Variants in RIMS2 observed in about 807,000 individuals in gnomAD.
RIMS2 encodes the protein regulating synaptic membrane exocytosis protein 2.
RIMS2 carries 59 observed loss-of-function variants against 174.4 expected under a neutral mutation model. That is an observed-to-expected ratio of 0.34 (90% CI 0.27 to 0.42). The LOEUF is 0.42. RIMS2 is among the 10% of genes least tolerant of loss of function. The probability of loss-of-function intolerance (pLI) is 1.00; values close to 1 mark genes in which losing one functional copy is unlikely to be tolerated. For synonymous variants in RIMS2, 606 were observed against 572.5 expected (o/e 1.06, Z -0.84); for missense variants, 1,620 against 1,666.3 (o/e 0.97, Z 0.48).
At chr8:103,976,953 G>C (rs1334172673) in intron 16 of RIMS2, 1 of 152,166 alleles carries the variant, frequency 6.6e-6, no homozygotes, top group Non-Finnish European at 1.5e-5. Context: ...AATGGAATAA[G>C]AATCACGGAA....
chr8:103,896,994 C>T (rs2099284509), intron 4 of RIMS2, among the ~76,000 whole-genome samples: 1 of 151,614 alleles, frequency 6.6e-6, no homozygotes. Flanking sequence ...TACTGGGAGA[C>T]ATGGTTTGTT....
In RIMS2 at chr8:103,620,745, G is replaced by A. The variant is rs184165171; in HGVS notation, c.177-76341G>A. Among the ~76,000 whole-genome samples, 12 of 152,214 alleles carry A rather than the reference G, an allele frequency of 7.9e-5. No individual in the cohort carries two copies. The East Asian group carries it at 2.1e-3, about 27-fold the overall frequency. The stretch of plus-strand genomic sequence containing the variant: ...TAAAATTGTGATAATACCAGATAAA[G>A]GATATTAAGTGGATTAAATAATTTA... On this transcript the variant is annotated intron_variant, in intron 1 of 23. Transcript: ENST00000504942.
intron 19 of RIMS2, among the ~76,000 whole-genome samples, chr8:104,070,757 G>T (rs898571288): frequency 6.6e-6 from 1 of 152,064 alleles, no homozygotes; most frequent in Non-Finnish European, 1.5e-5. Flanking sequence ...GAATGTAGAT[G>T]ATTTATAAAA....
chr8:103,769,259 A>G (rs2098219406), intron 3 of RIMS2, among the ~76,000 whole-genome samples: 1 of 152,200 alleles, frequency 6.6e-6, no homozygotes, highest in South Asian at 2.1e-4. Flanking sequence ...TAAATTCAAT[A>G]AATTTATGAG....
At chr8:103,785,071 G>A (rs1320808734) in intron 3 of RIMS2, among the ~76,000 whole-genome samples, 2 of 141,774 alleles carry the variant, frequency 1.4e-5, no homozygotes, top group Non-Finnish European at 3.1e-5. Context: ...CTCTCTGTTT[G>A]TCTGTTATTG....
At chr8:103,569,789 ATTT>A (rs527413126) in intron 1 of RIMS2, among the ~76,000 whole-genome samples, 1 of 136,398 alleles carries the variant, frequency 7.3e-6, no homozygotes. Context: ...GCTAATTTTA[ATTT>A]TTTTTTTTTT....
chr8:104,068,453 A>AT, intron 19 of RIMS2, 59 bp from the exon 23 acceptor site: 1 of 744,898 alleles, frequency 1.3e-6, no homozygotes, highest in Non-Finnish European at 2.3e-6. Context: ...ACATCCTGTA[A>AT]GTCGGACTCA....
intron 4 of RIMS2, among the ~76,000 whole-genome samples, chr8:103,899,320 T>C (rs2099313270): frequency 1.3e-5 from 2 of 151,812 alleles, no homozygotes; most frequent in South Asian, 2.1e-4. Context: ...ATGGTTGAAC[T>C]AGTTTACAGT....
At chr8:104,120,460 C>A (rs1382943630) in intron 19 of RIMS2, among the ~76,000 whole-genome samples, 2 of 152,056 alleles carry the variant, frequency 1.3e-5, no homozygotes, top group African/African-American at 4.8e-5. Context: ...TATTTCTAGA[C>A]TGTGATGTTT....
chr8:103,715,610 G>A (rs1213225945), intron 2 of RIMS2, among the ~76,000 whole-genome samples: 1 of 152,118 alleles, frequency 6.6e-6, no homozygotes, highest in Non-Finnish European at 1.5e-5. Context: ...AAAGAAAAGA[G>A]AAATGAAAGG....
intron 4 of RIMS2, among the ~76,000 whole-genome samples, chr8:103,891,083 G>A (rs920224310): frequency 6.6e-6 from 1 of 151,696 alleles, no homozygotes; most frequent in Non-Finnish European, 1.5e-5. Flanking sequence ...TCCAACTCTC[G>A]TCCTCATCCT....
At chr8:103,584,702 TG>T (rs2093809639) in intron 1 of RIMS2, among the ~76,000 whole-genome samples, 1 of 152,152 alleles carries the variant, frequency 6.6e-6, no homozygotes, top group African/African-American at 2.4e-5. Context: ...GCAAGCCTCA[TG>T]GTGACTTCAA....
chr8:103,700,091 G>A (rs937122047), intron 2 of RIMS2, among the ~76,000 whole-genome samples: 3 of 152,032 alleles, frequency 2.0e-5, no homozygotes, highest in Non-Finnish European at 2.9e-5. Context: ...GGCCAGTTTC[G>A]TTGATAGAGT....
At chr8:103,624,718 T>G (rs1201045473) in intron 1 of RIMS2, among the ~76,000 whole-genome samples, 1 of 152,208 alleles carries the variant, frequency 6.6e-6, no homozygotes, top group Non-Finnish European at 1.5e-5. Flanking sequence ...TCAGGCACTA[T>G]TCTAAGTATT....
At chr8:103,592,929 G>A (rs1224224439) in intron 1 of RIMS2, among the ~76,000 whole-genome samples, 1 of 151,376 alleles carries the variant, frequency 6.6e-6, no homozygotes, top group Non-Finnish European at 1.5e-5. Context: ...ACATATTGGA[G>A]AATGATTGTC....
At chr8:103,659,090 C>CT (rs1402467037) in intron 1 of RIMS2, among the ~76,000 whole-genome samples, 2 of 152,138 alleles carry the variant, frequency 1.3e-5, no homozygotes, top group Admixed American at 6.5e-5. Context: ...ACTTGTTCTA[C>CT]TTTTTCTGAA....
intron 13 of RIMS2, among the ~76,000 whole-genome samples, chr8:103,940,361 T>C (rs2082245694): frequency 6.6e-6 from 1 of 152,142 alleles, no homozygotes; most frequent in African/African-American, 2.4e-5. Context: ...ATTTATTCAT[T>C]ATGATGAGAG....
intron 14 of RIMS2, among the ~76,000 whole-genome samples, chr8:103,960,520 G>A (rs1008590426): frequency 6.6e-6 from 1 of 151,992 alleles, no homozygotes; most frequent in Non-Finnish European, 1.5e-5. Context: ...TTTTAAAAAG[G>A]ATATTTAAGA....
At position 103,864,529 on chromosome 8, in the gene RIMS2, G is replaced by C. The variant is rs115918502; in HGVS notation, c.699-20769G>C. Among the ~76,000 whole-genome samples the C allele has an allele frequency of 6.1e-3, 934 of 152,220 alleles. 12 individuals carry two copies. Among genetic ancestry groups the C allele is most frequent in the African/African-American group, 0.021 (884 of 41,530 alleles). On this transcript the variant is annotated intron_variant, in intron 3 of 23. Coordinates refer to ENST00000504942, the Ensembl canonical transcript of RIMS2. ...TTCTAATTTTCTTCGACCATGGTCTGAGAAAATGCTTGTTATGATTTTGAT... is the reference window on the plus strand; with the variant it reads ...TTCTAATTTTCTTCGACCATGGTCTCAGAAAATGCTTGTTATGATTTTGAT...
Sources: allele counts gnomAD v4.1 joint callset (sites outside exome capture counted in the v4.1 genomes callset), GRCh38; gene constraint gnomAD v4.1.1; transcripts MANE v1.5; gene names NCBI Gene and HGNC (gene_info 2026-07-23, HGNC 2026-07-21).